The following DYNC1I1 variants were observed in gnomAD, a reference collection of about 807,000 sequenced individuals.
DYNC1I1 encodes cytoplasmic dynein 1 intermediate chain 1.
Under a neutral mutation model 86.6 loss-of-function variants are expected in DYNC1I1, and 43 were observed. The observed-to-expected ratio is 0.50, with a 90% confidence interval of 0.39 to 0.64. The LOEUF is 0.64. Among genes scored for constraint, DYNC1I1 ranks in the 30% least tolerant of loss-of-function variants. The probability of loss-of-function intolerance (pLI) is 0.00; values close to 1 mark genes in which losing one functional copy is unlikely to be tolerated. For synonymous variants in DYNC1I1, 262 were observed against 283.7 expected, an observed-to-expected ratio of 0.92 and a Z score of 0.77; for missense variants, 604 against 788.8, an observed-to-expected ratio of 0.77 and a Z score of 2.81.
At chr7:95,980,308 T>A (rs75586724) in intron 7 of DYNC1I1, among the ~76,000 whole-genome samples, 1 of 137,530 alleles carries the variant, frequency 7.3e-6, no homozygotes, top group Non-Finnish European at 1.6e-5. Flanking sequence ...AAACTCTGGC[T>A]TTTTTTTTTT....
intron 2 of DYNC1I1, among the ~76,000 whole-genome samples, chr7:95,807,377 A>C: frequency 6.6e-6 from 1 of 152,114 alleles, no homozygotes; most frequent in East Asian, 1.9e-4. Flanking sequence ...TCTGGAGTTA[A>C]AAGGGGGCTA....
At chr7:95,838,202 T>G (rs1041445281) in intron 5 of DYNC1I1, among the ~76,000 whole-genome samples, 12 of 152,312 alleles carry the variant, frequency 7.9e-5, no homozygotes, top group Admixed American at 1.3e-4. Flanking sequence ...TTTGAGTTTT[T>G]TTTGTGTGTA....
intron 6 of DYNC1I1, among the ~76,000 whole-genome samples, chr7:95,955,876 C>T (rs1792697981): frequency 6.6e-6 from 1 of 152,088 alleles, no homozygotes; most frequent in Admixed American, 6.5e-5. Flanking sequence ...AATCTGGCTC[C>T]ACTTTTATGT....
At chr7:96,069,840 T>G (rs1017869102) in intron 14 of DYNC1I1, among the ~76,000 whole-genome samples, 2 of 152,222 alleles carry the variant, frequency 1.3e-5, no homozygotes, top group African/African-American at 2.4e-5. Context: ...TCATGTGGCT[T>G]CAGTACTTAT....
intron 6 of DYNC1I1, among the ~76,000 whole-genome samples, chr7:95,888,288 C>G (rs1252813974): frequency 6.6e-6 from 1 of 151,954 alleles, no homozygotes; most frequent in Non-Finnish European, 1.5e-5. Context: ...GTACAAAAAT[C>G]TAGCTGAACG....
chr7:95,820,892 T>C (rs1288176349), intron 4 of DYNC1I1, among the ~76,000 whole-genome samples: 1 of 152,232 alleles, frequency 6.6e-6, no homozygotes, highest in Admixed American at 6.5e-5. Flanking sequence ...GTCAGCATTT[T>C]TATTAGATAA....
chr7:95,962,229 C>T (rs1792889507), intron 6 of DYNC1I1, among the ~76,000 whole-genome samples: 3 of 152,188 alleles, frequency 2.0e-5, no homozygotes, highest in Admixed American at 2.0e-4. Flanking sequence ...GCAAGCCCAG[C>T]TCCATCTGAC....
intron 11 of DYNC1I1, among the ~76,000 whole-genome samples, chr7:96,031,523 T>C (rs924176616): frequency 2.0e-5 from 3 of 152,156 alleles, no homozygotes; most frequent in African/African-American, 7.2e-5. Context: ...GGCTGCCCTT[T>C]AAGGAAGGTG....
Position 96,039,268 on chromosome 7 carries a change from T to C in DYNC1I1, c.1365-9T>C. The C allele has an allele frequency of 6.2e-7, 1 of 1,611,424 alleles. No individual in the cohort carries two copies. The highest frequency in any genetic ancestry group is 8.5e-7 in the Non-Finnish European group (1 of 1,178,610). On this transcript the variant is annotated splice_polypyrimidine_tract_variant and intron_variant, in intron 13 of 16. Transcript: ENST00000447467. ...ACTGGAATTCTGCTCATGTGTGCTC[T>C]TCCTACAGCAAAGCAGGTATTGGTG... is the stretch of plus-strand genomic sequence containing the variant.
At chr7:95,869,409 A>T (rs1491001965) in intron 5 of DYNC1I1, among the ~76,000 whole-genome samples, 1 of 152,042 alleles carries the variant, frequency 6.6e-6, no homozygotes, top group Non-Finnish European at 1.5e-5. Context: ...TGTTAAACTC[A>T]TTCTTTAAAT....
intron 6 of DYNC1I1, among the ~76,000 whole-genome samples, chr7:95,881,300 T>A (rs1021183691): frequency 6.6e-6 from 1 of 152,150 alleles, no homozygotes; most frequent in Non-Finnish European, 1.5e-5. Flanking sequence ...GTGAAGGTAC[T>A]AACTGTGTAG....
intron 14 of DYNC1I1, among the ~76,000 whole-genome samples, chr7:96,041,312 G>A (rs768643732): frequency 2.6e-5 from 4 of 152,184 alleles, no homozygotes; most frequent in Non-Finnish European, 4.4e-5. Flanking sequence ...AAAAATCTAA[G>A]TTTTGCAACA....
At chr7:95,854,548 G>A (rs117034572) in intron 5 of DYNC1I1, among the ~76,000 whole-genome samples, 2 of 151,966 alleles carry the variant, frequency 1.3e-5, no homozygotes, top group Non-Finnish European at 2.9e-5. Flanking sequence ...TAACCTTCAT[G>A]TTAAAAATGT....
At chr7:96,037,418 G>A (rs1341873057) in intron 13 of DYNC1I1, among the ~76,000 whole-genome samples, 4 of 152,114 alleles carry the variant, frequency 2.6e-5, no homozygotes, top group East Asian at 1.9e-4. Flanking sequence ...AACTGATGAC[G>A]GTGAGAAAGA....
intron 2 of DYNC1I1, among the ~76,000 whole-genome samples, chr7:95,805,108 G>T (rs1342365451): frequency 6.6e-6 from 1 of 152,088 alleles, no homozygotes; most frequent in African/African-American, 2.4e-5. Flanking sequence ...TCTAAGGATG[G>T]TCTCTGATCT....
At chr7:96,032,181 T>C (rs976784129) in intron 11 of DYNC1I1, among the ~76,000 whole-genome samples, 1 of 152,178 alleles carries the variant, frequency 6.6e-6, no homozygotes, top group Admixed American at 6.6e-5. Flanking sequence ...TTAACCACTT[T>C]TTATAAAGAA....
chr7:96,071,347 A>G (rs1356497273), intron 14 of DYNC1I1, among the ~76,000 whole-genome samples: 1 of 152,214 alleles, frequency 6.6e-6, no homozygotes, highest in Non-Finnish European at 1.5e-5. Flanking sequence ...GTAGAATCAC[A>G]AAGCTAATAG....
At chr7:95,840,726 C>T (rs1475240762) in intron 5 of DYNC1I1, among the ~76,000 whole-genome samples, 29 of 152,198 alleles carry the variant, frequency 1.9e-4, no homozygotes, top group Non-Finnish European at 1.5e-5. Flanking sequence ...GCTAGAGATT[C>T]TGGATGCTAC....
intron 6 of DYNC1I1, among the ~76,000 whole-genome samples, chr7:95,946,931 T>G (rs1013433087): frequency 6.6e-6 from 1 of 152,110 alleles, no homozygotes; most frequent in Admixed American, 6.6e-5. Flanking sequence ...TGGCATAGGA[T>G]GGATACAAAG....
Sources: allele counts gnomAD v4.1 joint callset (sites outside exome capture counted in the v4.1 genomes callset), GRCh38; gene constraint gnomAD v4.1.1; transcripts MANE v1.5; gene names NCBI Gene and HGNC (gene_info 2026-07-23, HGNC 2026-07-21).